Variants in AK5 observed in about 807,000 individuals in gnomAD.
AK5 encodes adenylate kinase 5, also known as adenylate kinase isoenzyme 5.
In AK5, 27 loss-of-function variants were observed where a neutral mutation model predicts 69.5. The observed-to-expected ratio is 0.39, with a 90% CI of 0.29 to 0.54. The LOEUF is 0.54. Among genes scored for constraint, AK5 ranks in the 20% least tolerant of loss-of-function variants. The pLI, the probability that AK5 is intolerant of heterozygous loss-of-function variation, is 0.71. For synonymous variants in AK5, 260 were observed against 244.4 expected, an observed-to-expected ratio of 1.06 and a Z score of -0.60; for missense variants, 531 against 700.4, an observed-to-expected ratio of 0.76 and a Z score of 2.73.
intron 10 of AK5, among the ~76,000 whole-genome samples, chr1:77,496,777 G>C (rs1266839643): frequency 1.3e-5 from 2 of 152,116 alleles, no homozygotes; most frequent in Non-Finnish European, 2.9e-5. Flanking sequence ...CTAGCTAAAG[G>C]ATTGTAAACG....
At chr1:77,295,269 A>G (rs1180858876) in intron 3 of AK5, among the ~76,000 whole-genome samples, 3 of 152,212 alleles carry the variant, frequency 2.0e-5, no homozygotes, top group African/African-American at 7.2e-5. Context: ...AGGACATAGC[A>G]ATGTTGACAA....
At chr1:77,396,209 C>A (rs1438091186) in intron 6 of AK5, among the ~76,000 whole-genome samples, 1 of 152,194 alleles carries the variant, frequency 6.6e-6, no homozygotes, top group African/African-American at 2.4e-5. Context: ...GTCTTAGCAT[C>A]AAAAGCATTT....
intron 8 of AK5, among the ~76,000 whole-genome samples, chr1:77,439,416 T>C (rs1006066024): frequency 1.3e-5 from 2 of 152,138 alleles, no homozygotes; most frequent in African/African-American, 4.8e-5. Context: ...TTGGGAACAT[T>C]ACAAATCTAG....
chr1:77,458,912 C>T (rs1051075666), intron 8 of AK5, among the ~76,000 whole-genome samples: 2 of 152,202 alleles, frequency 1.3e-5, no homozygotes, highest in Non-Finnish European at 2.9e-5. Context: ...CCTAGTAGAC[C>T]TCCAAAGCCA....
intron 6 of AK5, among the ~76,000 whole-genome samples, chr1:77,391,475 G>GTGTA (rs1553144118): frequency 3.9e-4 from 12 of 30,956 alleles, no homozygotes; most frequent in Admixed American, 1.1e-3. Context: ...ACACATATGT[G>GTGTA]TGTGTGTATG....
At chr1:77,290,698 A>G (rs1405301660) in intron 2 of AK5, among the ~76,000 whole-genome samples, 1 of 152,216 alleles carries the variant, frequency 6.6e-6, no homozygotes, top group African/African-American at 2.4e-5. Context: ...CACTATATTT[A>G]CTTCAAAACC....
intron 13 of AK5, among the ~76,000 whole-genome samples, chr1:77,549,309 T>G (rs1477877348): frequency 1.3e-5 from 2 of 152,196 alleles, no homozygotes; most frequent in Non-Finnish European, 2.9e-5. Context: ...CTTAAAACTT[T>G]TAACTTTTGT....
At chr1:77,340,597 A>G (rs369605062) in intron 6 of AK5, 29 bp downstream of exon 6, 1 of 1,594,950 alleles carries the variant, frequency 6.3e-7, no homozygotes, top group Non-Finnish European at 8.6e-7. Context: ...TACAAGTCCA[A>G]TACAAGAGCG....
intron 5 of AK5, among the ~76,000 whole-genome samples, chr1:77,328,504 A>G (rs953532905): frequency 6.6e-6 from 1 of 151,870 alleles, no homozygotes; most frequent in African/African-American, 2.4e-5. Context: ...TCAAAAAAAA[A>G]GAAAAAAAAA....
intron 3 of AK5, among the ~76,000 whole-genome samples, chr1:77,294,853 C>A (rs7545096): frequency 0.1 from 15,329 of 151,960 alleles, 963 homozygotes; most frequent in East Asian, 0.2. Flanking sequence ...CATAGTGAGA[C>A]CCTGTCTCTA....
At chr1:77,506,640 G>A (rs1261881906) in intron 10 of AK5, among the ~76,000 whole-genome samples, 1 of 152,156 alleles carries the variant, frequency 6.6e-6, no homozygotes, top group Non-Finnish European at 1.5e-5. Context: ...TTGGCTGAAT[G>A]AATTGTAAAA....
At position 77,477,029 on chromosome 1, in the gene AK5, T is replaced by TGTGC. The variant is rs370136263; in HGVS notation, c.1060-6287_1060-6286insTGCG. On this transcript the variant is annotated intron_variant, in intron 8 of 13. Coordinates refer to ENST00000354567, the MANE Select transcript of AK5 (RefSeq NM_174858.3). ...GTGTGTGTGTGTGTGTGTGTGTGTG[T>TGTGC]GCGTGTGTGTGTTTCTGAGACAGGG... is the stretch of plus-strand genomic sequence containing the variant. Among the ~76,000 whole-genome samples the TGTGC allele has an allele frequency of 1.0e-2, 1,502 of 150,480 alleles. 29 individuals carry two copies. Among genetic ancestry groups the TGTGC allele is most frequent in the East Asian group, 0.074 (378 of 5,116 alleles).
At chr1:77,486,623 G>A (rs1466901748) in intron 10 of AK5, among the ~76,000 whole-genome samples, 1 of 151,858 alleles carries the variant, frequency 6.6e-6, no homozygotes, top group East Asian at 1.9e-4. Flanking sequence ...GTGTGAACCC[G>A]GGAGGCAGAG....
chr1:77,355,170 G>A (rs1443670495), intron 6 of AK5, among the ~76,000 whole-genome samples: 6 of 152,182 alleles, frequency 3.9e-5, no homozygotes, highest in Non-Finnish European at 8.8e-5. Flanking sequence ...AATTCTGTCT[G>A]TCTCAGAAGA....
chr1:77,439,874 T>C (rs1030066168), intron 8 of AK5, among the ~76,000 whole-genome samples: 8 of 149,776 alleles, frequency 5.3e-5, no homozygotes, highest in African/African-American at 2.0e-4. Flanking sequence ...ACACTCAGGT[T>C]GATTCCATAT....
rs564271847 is a variant in AK5, at chr1:77,330,219, G to T, written c.700-10158G>T. 1.2e-4 allele frequency among the ~76,000 whole-genome samples: 19 copies of T among 152,250 alleles called. 1 individual carries two copies. In the South Asian group the frequency reaches 3.7e-3, roughly 30 times the overall value. ...TCTTAATGGAGTATTTTAATAATAA[G>T]TGTGTTTTTCTCTATTTTAAAGCAA... is the stretch of plus-strand genomic sequence containing the variant. On this transcript the variant is annotated intron_variant, in intron 5 of 13. Transcript: ENST00000354567.
intron 6 of AK5, among the ~76,000 whole-genome samples, chr1:77,403,490 G>C (rs1448372791): frequency 4.6e-5 from 7 of 152,174 alleles, no homozygotes; most frequent in East Asian, 1.9e-4. Flanking sequence ...GTAAGGAAGG[G>C]ATCCAGTTTC....
intron 8 of AK5, among the ~76,000 whole-genome samples, chr1:77,428,622 C>G (rs966863605): frequency 6.6e-4 from 100 of 151,674 alleles, no homozygotes; most frequent in African/African-American, 2.4e-3. Flanking sequence ...TTTAATTATA[C>G]TTTAAGTTTT....
At chr1:77,428,774 C>A (rs1651390078) in intron 8 of AK5, among the ~76,000 whole-genome samples, 1 of 152,036 alleles carries the variant, frequency 6.6e-6, no homozygotes, top group Admixed American at 6.6e-5. Flanking sequence ...CCACAACAGG[C>A]CCCAGTGTGT....
Sources: gnomAD v4.1 joint callset for allele counts (sites outside exome capture counted in the v4.1 genomes callset) on GRCh38, gnomAD v4.1.1 for gene constraint, MANE v1.5 for transcripts, NCBI Gene and HGNC (gene_info 2026-07-23, HGNC 2026-07-21) for gene names.